The following METTL21C variants were observed in gnomAD, a reference collection of about 807,000 sequenced individuals.
The protein encoded by METTL21C is protein-lysine methyltransferase METTL21C.
Under a neutral mutation model 25.9 loss-of-function variants are expected in METTL21C, and 21 were observed. The observed-to-expected ratio is 0.81, with a 90% CI of 0.58 to 1.17. The LOEUF is 1.17. METTL21C is among the 50% of genes most tolerant of loss of function. The pLI, the probability that METTL21C is intolerant of heterozygous loss-of-function variation, is 0.00. For synonymous variants in METTL21C, 125 were observed against 124.7 expected (o/e 1.00, Z -0.01); for missense variants, 312 against 315.1 (o/e 0.99, Z 0.07).
At chr13:102,690,358 T>C (rs1595244125) in intron 2 of METTL21C, among the ~76,000 whole-genome samples, 1 of 150,550 alleles carries the variant, frequency 6.6e-6, no homozygotes, top group Non-Finnish European at 1.5e-5. Context: ...GAGGTGGAGG[T>C]TGCAGTGAGC....
upstream of METTL21C, among the ~76,000 whole-genome samples, chr13:102,698,156 A>G (rs1885975699): frequency 6.6e-6 from 1 of 152,192 alleles, no homozygotes; most frequent in African/African-American, 2.4e-5. Flanking sequence ...GTCCTCGATA[A>G]ATAAATGTCT....
At chr13:102,702,763 G>A in the METTL21C span, among the ~76,000 whole-genome samples, 4 of 151,956 alleles carry the variant, frequency 2.6e-5, no homozygotes, top group Admixed American at 6.6e-5. Context: ...GCTAATTTTT[G>A]TATTTTTAGT....
chr13:102,701,542 G>A, the METTL21C span, among the ~76,000 whole-genome samples: 1 of 152,108 alleles, frequency 6.6e-6, no homozygotes, highest in Non-Finnish European at 1.5e-5. Flanking sequence ...CAAGACAAAC[G>A]TTTAGGGGAC....
rs147523050 is a variant in METTL21C at position 102,690,385 on chromosome 13, C to G, written c.282+428G>C. 8.7e-3 allele frequency among the ~76,000 whole-genome samples: 1,312 copies of G among 150,382 alleles called. 12 individuals are homozygous for G. The highest frequency in any genetic ancestry group is 0.031 in the African/African-American group (1,261 of 40,786). ...GCAGTGAGCCAAGATCGTGTCACTG[C>G]ACTCCAGCCTGGGTAACAGAGTGAG... On this transcript the variant is annotated intron_variant, in intron 2 of 3. Coordinates refer to ENST00000267273, the MANE Select transcript of METTL21C (RefSeq NM_001010977.3).
chr13:102,701,838 C>T, the METTL21C span, among the ~76,000 whole-genome samples: 1 of 152,122 alleles, frequency 6.6e-6, no homozygotes, highest in Admixed American at 6.5e-5. Flanking sequence ...TACAAGTCAA[C>T]ATCATTCATG....
intron 2 of METTL21C, among the ~76,000 whole-genome samples, chr13:102,688,501 G>A (rs1885738611): frequency 6.6e-6 from 1 of 152,224 alleles, no homozygotes; most frequent in Non-Finnish European, 1.5e-5. Flanking sequence ...ATGGGGCCGG[G>A]GAGAAGCCAG....
chr13:102,699,599 G>A (rs1051256609), upstream of METTL21C, among the ~76,000 whole-genome samples: 1 of 152,218 alleles, frequency 6.6e-6, no homozygotes, highest in African/African-American at 2.4e-5. Flanking sequence ...TCCCAGAGAA[G>A]TGAGGGTTTC....
At chr13:102,695,794 T>C (rs559322509), upstream of METTL21C, among the ~76,000 whole-genome samples, 9 of 152,366 alleles carry the variant, frequency 5.9e-5, no homozygotes, top group South Asian at 1.9e-3. Flanking sequence ...TATGATTGCA[T>C]TCTGCATCTC....
At position 102,691,243 on chromosome 13, in the gene METTL21C, C is replaced by T. The variant is rs77770806; in HGVS notation, c.131-279G>A. 9.8e-3 allele frequency among the ~76,000 whole-genome samples: 1,484 copies of T among 151,898 alleles called. 23 individuals are homozygous for T. Among genetic ancestry groups the T allele is most frequent in the African/African-American group, 0.034 (1,410 of 41,384 alleles). ...AGGGGAGGACAGAAGATGTGTGGAT[C>T]GGTCCCCACCCTAAATTTTGCTGAT... is the stretch of plus-strand genomic sequence containing the variant. On this transcript the variant is annotated intron_variant, in intron 1 of 3. Coordinates refer to ENST00000267273, the MANE Select transcript of METTL21C (RefSeq NM_001010977.3).
upstream of METTL21C, among the ~76,000 whole-genome samples, chr13:102,698,850 A>G (rs1054234124): frequency 3.3e-5 from 5 of 152,210 alleles, no homozygotes; most frequent in African/African-American, 1.2e-4. Context: ...CCTATAACAC[A>G]TCGGCCTTGA....
chr13:102,700,857 C>G, the METTL21C span, among the ~76,000 whole-genome samples: 3 of 151,978 alleles, frequency 2.0e-5, no homozygotes, highest in Admixed American at 1.3e-4. Flanking sequence ...CTCTGACACC[C>G]TACGACTCCC....
chr13:102,692,341 G>A (rs921818756), intron 1 of METTL21C, among the ~76,000 whole-genome samples: 9 of 152,130 alleles, frequency 5.9e-5, no homozygotes, highest in African/African-American at 2.2e-4. Flanking sequence ...CATACACACT[G>A]GAACAGTTCC....
At chr13:102,699,227 A>G (rs1885995267), upstream of METTL21C, among the ~76,000 whole-genome samples, 1 of 152,106 alleles carries the variant, frequency 6.6e-6, no homozygotes, top group African/African-American at 2.4e-5. Context: ...CACAGTGGAG[A>G]CCCACCCTTT....
Position 102,686,418 on chromosome 13 carries a change from T to TTGAG in METTL21C, c.404_407dup (p.Gln136HisfsTer10), listed in dbSNP as rs766291264. 1.1e-5 allele frequency: 17 copies of TTGAG among 1,610,114 alleles called. 1 individual carries two copies. In the South Asian group the frequency reaches 1.9e-4, roughly 18 times the overall value. On this transcript the variant is annotated frameshift_variant, in exon 4 of 4. Transcript: ENST00000267273. LOFTEE classifies it low-confidence loss of function (END_TRUNC). Reference sequence around the variant, plus strand: ...CATCAGGCAAATCTGTTGCTGTGACTTGAGCTCCTAAGAGAAAAAGAAAAC... The same window carrying TTGAG: ...CATCAGGCAAATCTGTTGCTGTGACTTGAGTGAGCTCCTAAGAGAAAAAGAAAAC...
chr13:102,702,358 A>G, the METTL21C span, among the ~76,000 whole-genome samples: 2 of 152,180 alleles, frequency 1.3e-5, no homozygotes, highest in South Asian at 2.1e-4. Context: ...GAAAAAGACA[A>G]CAATATCCAC....
At chr13:102,687,599 A>T (rs1885709694) in intron 2 of METTL21C, among the ~76,000 whole-genome samples, 1 of 152,226 alleles carries the variant, frequency 6.6e-6, no homozygotes, top group Non-Finnish European at 1.5e-5. Context: ...TTCTTCTAAG[A>T]AACAGACAGT....
chr13:102,685,920 T>C lies in METTL21C; in HGVS notation c.*111A>G, dbSNP rs1030510612. 6 of 1,053,378 alleles carry C rather than the reference T, an allele frequency of 5.7e-6. No individual in the cohort carries two copies. The highest frequency in any genetic ancestry group is 1.6e-5 in the African/African-American group (1 of 62,422). The allele number at this position is 1,053,378 out of a possible 1,614,324, so 65.3% of individuals were successfully genotyped here. A position where few individuals can be genotyped will look rare whatever the true frequency, so the allele number is the denominator to read the frequency against. ...GTTACATTTGTTCCAAGTATACAAG[T>C]TGTTTCTATGCACTACCTTCTCAAT... On this transcript the variant is annotated 3_prime_UTR_variant, in exon 4 of 4. Transcript: ENST00000267273.
At chr13:102,690,438 A>AAAG (rs1566389056) in intron 2 of METTL21C, among the ~76,000 whole-genome samples, 1 of 150,912 alleles carries the variant, frequency 6.6e-6, no homozygotes, top group African/African-American at 2.4e-5. Context: ...AAAAAAAAAA[A>AAAG]AGAGAGAGAT....
intron 2 of METTL21C, among the ~76,000 whole-genome samples, chr13:102,689,695 C>T (rs981640772): frequency 6.6e-5 from 10 of 152,208 alleles, no homozygotes; most frequent in African/African-American, 2.4e-4. Context: ...GCTCTGAGGG[C>T]CACTGTCTAT....
Sources: allele counts gnomAD v4.1 joint callset (sites outside exome capture counted in the v4.1 genomes callset), GRCh38; gene constraint gnomAD v4.1.1; transcripts MANE v1.5; gene names NCBI Gene and HGNC (gene_info 2026-07-23, HGNC 2026-07-21).